CAMKMT: variants seen among roughly 807,000 people sequenced by gnomAD.
The protein encoded by CAMKMT is CaM KMT.
In CAMKMT, 53 loss-of-function variants were observed where a neutral mutation model predicts 48.0. The observed-to-expected ratio is 1.10, with a 90% CI of 0.89 to 1.39. CAMKMT has a LOEUF of 1.39. Ranked by LOEUF, CAMKMT falls within the 40% of genes most tolerant of loss-of-function variation. The pLI is 0.00. For synonymous variants in CAMKMT, 165 were observed against 152.3 expected (o/e 1.08, Z -0.61); for missense variants, 428 against 402.7 (o/e 1.06, Z -0.54).
chr2:44,512,481 C>T (rs367860729), intron 3 of CAMKMT, among the ~76,000 whole-genome samples: 12 of 152,320 alleles, frequency 7.9e-5, no homozygotes, highest in East Asian at 5.8e-4. Context: ...TCATTTATCT[C>T]ATTTTGACAG....
At chr2:44,463,005 A>G (rs1474938281) in intron 3 of CAMKMT, among the ~76,000 whole-genome samples, 3 of 152,154 alleles carry the variant, frequency 2.0e-5, no homozygotes, top group Non-Finnish European at 4.4e-5. Context: ...GTTTGATTTT[A>G]TTTACTTATT....
At chr2:44,565,009 CT>C (rs1162256967) in intron 3 of CAMKMT, among the ~76,000 whole-genome samples, 5 of 152,350 alleles carry the variant, frequency 3.3e-5, no homozygotes, top group Admixed American at 3.3e-4. Flanking sequence ...TGTTTCCTCA[CT>C]TGGTCTGCCT....
At chr2:44,381,939 AC>A (rs1680284122) in intron 2 of CAMKMT, among the ~76,000 whole-genome samples, 1 of 112,364 alleles carries the variant, frequency 8.9e-6, no homozygotes, top group South Asian at 3.2e-4. Flanking sequence ...TTTATCTTAC[AC>A]TTTTTTTTTT....
chr2:44,608,028 A>G (rs1176995084), intron 3 of CAMKMT, among the ~76,000 whole-genome samples: 1 of 150,872 alleles, frequency 6.6e-6, no homozygotes, highest in Non-Finnish European at 1.5e-5. Context: ...AAATACTTTC[A>G]TATGTAAACT....
At chr2:44,368,729 G>A (rs977851001) in intron 1 of CAMKMT, among the ~76,000 whole-genome samples, 1 of 152,130 alleles carries the variant, frequency 6.6e-6, no homozygotes, top group African/African-American at 2.4e-5. Flanking sequence ...GTTTAATTGG[G>A]CAAGATTGAA....
At chr2:44,505,081 G>A (rs1195575967) in intron 3 of CAMKMT, among the ~76,000 whole-genome samples, 3 of 152,082 alleles carry the variant, frequency 2.0e-5, no homozygotes, top group African/African-American at 7.2e-5. Flanking sequence ...ACTTATTACT[G>A]CAAGGATGAT....
At chr2:44,523,647 C>G (rs1671242530) in intron 3 of CAMKMT, among the ~76,000 whole-genome samples, 1 of 151,884 alleles carries the variant, frequency 6.6e-6, no homozygotes. Flanking sequence ...GGTAACTGAG[C>G]TAGGATGACC....
chr2:44,719,072 T>G (rs561680572), intron 7 of CAMKMT, among the ~76,000 whole-genome samples: 44 of 152,312 alleles, frequency 2.9e-4, no homozygotes, highest in Admixed American at 6.5e-4. Flanking sequence ...TCCTGGGCCT[T>G]CTGCAGTCTG....
intron 3 of CAMKMT, among the ~76,000 whole-genome samples, chr2:44,392,899 A>G (rs1681484244): frequency 6.6e-6 from 1 of 152,126 alleles, no homozygotes; most frequent in South Asian, 2.1e-4. Context: ...AAAGTTTCTA[A>G]TAGATGAGAG....
At chr2:44,401,297 C>T (rs994919507) in intron 3 of CAMKMT, among the ~76,000 whole-genome samples, 1 of 152,144 alleles carries the variant, frequency 6.6e-6, no homozygotes, top group East Asian at 1.9e-4. Context: ...GTGGCTCACG[C>T]CTGTAATCTC....
At chr2:44,690,158 G>A (rs1388063040) in intron 3 of CAMKMT, among the ~76,000 whole-genome samples, 1 of 152,166 alleles carries the variant, frequency 6.6e-6, no homozygotes, top group African/African-American at 2.4e-5. Flanking sequence ...TGAGATTATA[G>A]TGAAAATAAA....
chr2:44,736,706 A>G (rs1465312556), intron 7 of CAMKMT, among the ~76,000 whole-genome samples: 1 of 151,738 alleles, frequency 6.6e-6, no homozygotes, highest in African/African-American at 2.4e-5. Flanking sequence ...TTTTTTCTCC[A>G]TATATTTCAT....
intron 3 of CAMKMT, among the ~76,000 whole-genome samples, chr2:44,518,733 C>T (rs1670955239): frequency 6.6e-6 from 1 of 152,126 alleles, no homozygotes; most frequent in South Asian, 2.1e-4. Flanking sequence ...TCCTTAACTA[C>T]CTGATGATGA....
At chr2:44,367,248 C>T (rs763536757) in intron 1 of CAMKMT, among the ~76,000 whole-genome samples, 6 of 151,864 alleles carry the variant, frequency 4.0e-5, no homozygotes, top group Admixed American at 6.6e-5. Context: ...TTCCAATATC[C>T]GAGAAAGGAA....
Position 44,694,503 on chromosome 2 carries a change from C to T in CAMKMT, c.377-9780C>T, listed in dbSNP as rs187044320. Among the ~76,000 whole-genome samples, 7 of 152,290 alleles carry T rather than the reference C, an allele frequency of 4.6e-5. No individual in the cohort carries two copies. In the East Asian group the frequency reaches 1.3e-3, roughly 29 times the overall value. ...ACCTAAGCCTAGGAAGTCAAGGCTGCAGTGAGCCATGACGGTGCCACTGCA... is the reference window on the plus strand; with the variant it reads ...ACCTAAGCCTAGGAAGTCAAGGCTGTAGTGAGCCATGACGGTGCCACTGCA... On this transcript the variant is annotated intron_variant, in intron 3 of 10. Coordinates refer to ENST00000378494, the MANE Select transcript of CAMKMT (RefSeq NM_024766.5).
intron 3 of CAMKMT, among the ~76,000 whole-genome samples, chr2:44,620,260 C>G (rs1672103916): frequency 6.6e-6 from 1 of 151,842 alleles, no homozygotes; most frequent in African/African-American, 2.4e-5. Flanking sequence ...TCCTATTGTC[C>G]TTTGATACTT....
intron 8 of CAMKMT, among the ~76,000 whole-genome samples, chr2:44,748,738 A>G (rs945882767): frequency 2.0e-5 from 3 of 152,044 alleles, no homozygotes; most frequent in Non-Finnish European, 4.4e-5. Flanking sequence ...TTAGATGGGC[A>G]TGGTGGTGGG....
chr2:44,729,230 G>C (rs1678956959), intron 7 of CAMKMT, among the ~76,000 whole-genome samples: 1 of 152,120 alleles, frequency 6.6e-6, no homozygotes, highest in Non-Finnish European at 1.5e-5. Context: ...GTAACTACAA[G>C]AGGTTAGAAA....
chr2:44,566,904 T>C (rs1668645599), intron 3 of CAMKMT, among the ~76,000 whole-genome samples: 1 of 152,182 alleles, frequency 6.6e-6, no homozygotes, highest in African/African-American at 2.4e-5. Flanking sequence ...TTTTGCGGAG[T>C]TGGGCTCTGA....
Sources: gnomAD v4.1 joint callset for allele counts (sites outside exome capture counted in the v4.1 genomes callset) on GRCh38, gnomAD v4.1.1 for gene constraint, MANE v1.5 for transcripts, NCBI Gene and HGNC (gene_info 2026-07-23, HGNC 2026-07-21) for gene names.